SDCCAG8: variants seen among roughly 807,000 people sequenced by gnomAD.
SDCCAG8 encodes the protein SHH signaling and ciliogenesis regulator SDCCAG8, also known as serologically defined colon cancer antigen 8.
SDCCAG8 carries 74 observed loss-of-function variants against 101.8 expected under a neutral mutation model. The observed-to-expected ratio is 0.73, with a 90% CI of 0.60 to 0.88. SDCCAG8 has a LOEUF of 0.88. Among genes scored for constraint, SDCCAG8 ranks in the 40% least tolerant of loss-of-function variants. The pLI is 0.00. For missense variants in SDCCAG8, 787 were observed against 822.6 expected, an observed-to-expected ratio of 0.96 and a Z score of 0.53; for synonymous variants, 281 against 292.9, an observed-to-expected ratio of 0.96 and a Z score of 0.41.
chr1:243,476,034 C>T (rs1488978399), intron 16 of SDCCAG8: 2 of 985,342 alleles, frequency 2.0e-6, no homozygotes, highest in African/African-American at 3.5e-5. Context: ...CATGGACCTT[C>T]TAGCTGGAAG....
intron 4 of SDCCAG8, among the ~76,000 whole-genome samples, chr1:243,278,082 A>T (rs1195913837): frequency 6.6e-6 from 1 of 152,214 alleles, no homozygotes. Flanking sequence ...AGTTGGGAAT[A>T]ACTGGCATTT....
intron 8 of SDCCAG8, among the ~76,000 whole-genome samples, chr1:243,312,056 A>G (rs2072775943): frequency 6.6e-6 from 1 of 152,218 alleles, no homozygotes; most frequent in South Asian, 2.1e-4. Context: ...AGGATATTAA[A>G]CCTATTAACA....
At chr1:243,472,995 A>G (rs761451829) in intron 16 of SDCCAG8, among the ~76,000 whole-genome samples, 1 of 152,172 alleles carries the variant, frequency 6.6e-6, no homozygotes, top group Non-Finnish European at 1.5e-5. Flanking sequence ...CCTAGGTTTT[A>G]AAACACGTTT....
chr1:243,270,467 C>T (rs986213770), intron 2 of SDCCAG8, among the ~76,000 whole-genome samples: 3 of 152,156 alleles, frequency 2.0e-5, no homozygotes, highest in African/African-American at 4.8e-5. Flanking sequence ...TATAAAATAA[C>T]AGTGTTTTCC....
intron 10 of SDCCAG8, among the ~76,000 whole-genome samples, chr1:243,339,891 T>C (rs2075284005): frequency 6.6e-6 from 1 of 152,214 alleles, no homozygotes; most frequent in African/African-American, 2.4e-5. Flanking sequence ...TTTTAACAGA[T>C]AAAAATTGAT....
chr1:243,433,051 T>C (rs2081898634), intron 16 of SDCCAG8, among the ~76,000 whole-genome samples: 2 of 152,204 alleles, frequency 1.3e-5, no homozygotes, highest in South Asian at 2.1e-4. Flanking sequence ...GATAGTGAAC[T>C]GGGCGAAGGG....
intron 13 of SDCCAG8, among the ~76,000 whole-genome samples, chr1:243,384,744 G>A (rs2078169222): frequency 6.6e-6 from 1 of 151,904 alleles, no homozygotes; most frequent in South Asian, 2.1e-4. Context: ...GGAGTTCAAG[G>A]CCATCCTGGG....
At chr1:243,483,671 G>T (rs564451621) in intron 16 of SDCCAG8, among the ~76,000 whole-genome samples, 1 of 152,214 alleles carries the variant, frequency 6.6e-6, no homozygotes, top group East Asian at 1.9e-4. Flanking sequence ...TCCGCAGGGC[G>T]CTCCGCCACC....
At chr1:243,457,321 T>G (rs1422180367) in intron 16 of SDCCAG8, among the ~76,000 whole-genome samples, 2 of 152,226 alleles carry the variant, frequency 1.3e-5, no homozygotes, top group Non-Finnish European at 2.9e-5. Flanking sequence ...ATAATTCATG[T>G]AAATGTCCGC....
At chr1:243,304,996 T>C in intron 7 of SDCCAG8, 1 of 533,610 alleles carries the variant, frequency 1.9e-6, no homozygotes, top group East Asian at 3.3e-5. Flanking sequence ...TGTAAAATAT[T>C]TGTGTTTTCT....
At chr1:243,495,131 C>T (rs1011020213) in intron 17 of SDCCAG8, among the ~76,000 whole-genome samples, 5 of 152,246 alleles carry the variant, frequency 3.3e-5, no homozygotes, top group Admixed American at 1.3e-4. Flanking sequence ...TCAGACCCCA[C>T]GGTTGGGAAG....
intron 11 of SDCCAG8, among the ~76,000 whole-genome samples, chr1:243,343,902 G>T (rs2075533882): frequency 6.6e-6 from 1 of 152,100 alleles, no homozygotes; most frequent in African/African-American, 2.4e-5. Flanking sequence ...CTATTTAAAG[G>T]TTAGATGATA....
intron 17 of SDCCAG8, 52 bp downstream of exon 17, chr1:243,489,192 G>C (rs1485412953): frequency 6.2e-7 from 1 of 1,600,202 alleles, no homozygotes. Context: ...GCGTCTACAG[G>C]TGGATCTTTT....
rs538273422 is a variant in SDCCAG8, at chr1:243,404,694, T to G, written c.1617-11008T>G. Among the ~76,000 whole-genome samples the G allele has an allele frequency of 4.6e-5, 7 of 152,276 alleles. No individual in the cohort carries two copies. In the South Asian group the frequency reaches 1.5e-3, roughly 32 times the overall value. ...TCTCAATCAAACTCTAAAAATGGACTACAGTGGTCTTGTTGCCAAGTCAAG... is the reference window on the plus strand; with the variant it reads ...TCTCAATCAAACTCTAAAAATGGACGACAGTGGTCTTGTTGCCAAGTCAAG... On this transcript the variant is annotated intron_variant, in intron 13 of 17. Coordinates refer to ENST00000366541, the MANE Select transcript of SDCCAG8 (RefSeq NM_006642.5).
chr1:243,435,948 A>G (rs2148071979), intron 16 of SDCCAG8, among the ~76,000 whole-genome samples: 1 of 152,132 alleles, frequency 6.6e-6, no homozygotes, highest in Admixed American at 6.5e-5. Context: ...TTTCCCATAT[A>G]CCCCATACAT....
intron 16 of SDCCAG8, among the ~76,000 whole-genome samples, chr1:243,436,949 A>G (rs115249588): frequency 0.011 from 1,701 of 152,296 alleles, 35 homozygotes; most frequent in African/African-American, 0.04. Flanking sequence ...AGGGGAAAAA[A>G]GGTACATTTC....
intron 1 of SDCCAG8, chr1:243,268,167 C>A (rs991053298): frequency 1.7e-6 from 1 of 588,756 alleles, no homozygotes; most frequent in Non-Finnish European, 3.0e-6. Flanking sequence ...CGGTGCAATG[C>A]TTTTACCTGG....
At chr1:243,490,991 C>T (rs912899900) in intron 17 of SDCCAG8, among the ~76,000 whole-genome samples, 4 of 152,324 alleles carry the variant, frequency 2.6e-5, no homozygotes, top group East Asian at 1.9e-4. Context: ...AGGGAGGGAC[C>T]GTGACTCCTG....
At chr1:243,362,475 C>T (rs766178370) in intron 12 of SDCCAG8, among the ~76,000 whole-genome samples, 42 of 152,230 alleles carry the variant, frequency 2.8e-4, no homozygotes, top group Admixed American at 5.9e-4. Context: ...GAACAAGTTA[C>T]TGAAAATGTG....
Sources: allele counts gnomAD v4.1 joint callset (sites outside exome capture counted in the v4.1 genomes callset), GRCh38; gene constraint gnomAD v4.1.1; transcripts MANE v1.5; gene names NCBI Gene and HGNC (gene_info 2026-07-23, HGNC 2026-07-21).